The following MYPOP variants were observed in gnomAD, a reference collection of about 807,000 sequenced individuals.
MYPOP encodes Myb related transcription factor, partner of profilin.
Under a neutral mutation model 25.7 loss-of-function variants are expected in MYPOP, and 21 were observed. That is an observed-to-expected ratio of 0.82 (90% confidence interval 0.58 to 1.18). The LOEUF (loss-of-function observed/expected upper bound fraction) is 1.18. MYPOP is among the 50% of genes most tolerant of loss of function. MYPOP has a pLI of 0.00. For missense variants in MYPOP, 566 were observed against 588.3 expected (o/e 0.96, Z 0.39); for synonymous variants, 280 against 247.9 (o/e 1.13, Z -1.22).
chr19:45,897,412 T>C (rs1600569813), intron 2 of MYPOP, among the ~76,000 whole-genome samples: 3 of 151,946 alleles, frequency 2.0e-5, no homozygotes, highest in South Asian at 4.2e-4. Flanking sequence ...GGGCCTGGGG[T>C]GTGAGTGACA....
chr19:45,893,627 C>T (rs960341550), intron 2 of MYPOP, among the ~76,000 whole-genome samples: 2 of 149,764 alleles, frequency 1.3e-5, no homozygotes, highest in Non-Finnish European at 3.0e-5. Flanking sequence ...GAGTGGCTGC[C>T]GGGGGCTGGG....
chr19:45,893,492 C>G (rs139536547), intron 2 of MYPOP, among the ~76,000 whole-genome samples: 3 of 149,046 alleles, frequency 2.0e-5, no homozygotes, highest in Admixed American at 6.8e-5. Context: ...CGCTTGAACC[C>G]GGGAGGCAGA....
Position 45,901,363 on chromosome 19 carries a change from A to T in MYPOP, c.411T>A (p.Pro137=), listed in dbSNP as rs1401172735. 6.8e-7 allele frequency: 1 copy of T among 1,467,744 alleles called. No individual in the cohort carries two copies. Among genetic ancestry groups the T allele is most frequent in the Non-Finnish European group, 9.0e-7 (1 of 1,110,652 alleles). The allele number at this position is 1,467,744 out of a possible 1,614,324, so 90.9% of individuals were successfully genotyped here. ...PGAGAGAEEP[P]AAPSSQPPPP... ...GCGGCGGCTGTGAAGAGGGGGCCGC[A>T]GGGGGCTCCTCCGCCCCAGCACCTG... is the stretch of plus-strand genomic sequence containing the variant. Residue 137 remains proline (P), a synonymous_variant, in exon 2 of 3, where the codon CCT becomes CCA. Coordinates refer to ENST00000322217, the MANE Select transcript of MYPOP (RefSeq NM_001012643.4). The surrounding 1 kb of genome is among the most constrained non-coding windows in gnomAD (Gnocchi z 5.7).
chr19:45,895,120 A>C (rs1967184267), intron 2 of MYPOP, among the ~76,000 whole-genome samples: 1 of 152,308 alleles, frequency 6.6e-6, no homozygotes, highest in African/African-American at 2.4e-5. Context: ...AAAGTCCTTG[A>C]GGCCTCTAGG....
chr19:45,890,640 G>A lies in MYPOP; in HGVS notation c.1183C>T (p.Arg395Ter). The change falls in exon 3 of 3, where the codon CGA becomes TGA. Residue 395 changes from arginine (R) to a stop codon, truncating the protein, a stop_gained. Coordinates refer to ENST00000322217, the MANE Select transcript of MYPOP (RefSeq NM_001012643.4). LOFTEE classifies it high-confidence loss of function. Reference sequence around the variant, plus strand: ...AGTAGATTTCACGGAGATTTCCATCGGCCGCGCCTTTTCCGTGTAGGGAAA... The same window carrying A: ...AGTAGATTTCACGGAGATTTCCATCAGCCGCGCCTTTTCCGTGTAGGGAAA... ...KGFPTRKRRG[R>*]WKSP The A allele has an allele frequency of 3.1e-6, 5 of 1,612,116 alleles. No individual in the cohort carries two copies. Among genetic ancestry groups the A allele is most frequent in the African/African-American group, 1.3e-5 (1 of 74,728 alleles).
chr19:45,896,666 C>T (rs576406871), intron 2 of MYPOP, among the ~76,000 whole-genome samples: 43 of 150,524 alleles, frequency 2.9e-4, no homozygotes, highest in Non-Finnish European at 5.8e-4. Context: ...TCGCCCAGGC[C>T]GGACTGCGGA....
chr19:45,897,188 G>A (rs911913391), intron 2 of MYPOP, among the ~76,000 whole-genome samples: 2 of 151,314 alleles, frequency 1.3e-5, no homozygotes, highest in South Asian at 2.1e-4. Context: ...TCAGCCTCCC[G>A]AGGAGCTGGA....
intron 2 of MYPOP, among the ~76,000 whole-genome samples, chr19:45,893,705 A>T (rs1408461915): frequency 6.6e-6 from 1 of 151,974 alleles, no homozygotes; most frequent in Non-Finnish European, 1.5e-5. Flanking sequence ...GAGTGATGAA[A>T]ATGTTCTAAA....
In MYPOP at chr19:45,891,028, G is replaced by A; in HGVS notation, c.795C>T (p.Ala265=). ...ASDPSLDFLR[A]QQETANAIRE... ...GGATGGCGTTGGCAGTCTCCTGCTG[G>A]GCCCGCAGGAAGTCCAGGGAGGGGT... The change falls in exon 3 of 3, where the codon GCC becomes GCT. Residue 265 remains alanine (A), a synonymous_variant. Coordinates refer to ENST00000322217, the MANE Select transcript of MYPOP (RefSeq NM_001012643.4). 2 of 1,529,470 alleles carry A rather than the reference G, an allele frequency of 1.3e-6. No homozygotes were observed. The highest frequency in any genetic ancestry group is 1.8e-6 in the Non-Finnish European group (2 of 1,135,414). 94.7% of individuals were successfully genotyped at this position (1,529,470 alleles called of 1,614,324 possible). A position where few individuals can be genotyped will look rare whatever the true frequency, so the allele number is the denominator to read the frequency against.
intron 2 of MYPOP, among the ~76,000 whole-genome samples, chr19:45,893,049 G>C (rs1600565660): frequency 6.6e-6 from 1 of 151,160 alleles, no homozygotes; most frequent in African/African-American, 2.4e-5. Context: ...CGAGGCGGGT[G>C]GATCACCTGA....
At chr19:45,899,119 G>A (rs1007840275) in intron 2 of MYPOP, among the ~76,000 whole-genome samples, 20 of 152,160 alleles carry the variant, frequency 1.3e-4, no homozygotes, top group Non-Finnish European at 1.5e-4. Context: ...TCGGCTACTC[G>A]GGAGGATGAG....
rs575399373 is a variant in MYPOP, at chr19:45,891,967, T to TG, written c.500-645dup. 8.5e-4 allele frequency among the ~76,000 whole-genome samples: 129 copies of TG among 152,252 alleles called. 2 individuals carry two copies. The highest frequency in any genetic ancestry group is 3.0e-3 in the African/African-American group (123 of 41,540). On this transcript the variant is annotated intron_variant, in intron 2 of 2. Transcript: ENST00000322217. ...CAAAGTCTCACTTTGTAGCCTAGGC[T>TG]GGAGTGCAGTGGCGTGATCTCGGCT...
In MYPOP at chr19:45,891,190, G is replaced by T; in HGVS notation, c.633C>A (p.Val211=). 1 of 1,528,938 alleles carries T rather than the reference G, an allele frequency of 6.5e-7. No individual in the cohort carries two copies. The allele number at this position is 1,528,938 out of a possible 1,614,324, so 94.7% of individuals were successfully genotyped here. A position where few individuals can be genotyped will look rare whatever the true frequency, so the allele number is the denominator to read the frequency against. Residue 211 remains valine (V), a synonymous_variant, in exon 3 of 3, where the codon GTC becomes GTA. Coordinates refer to ENST00000322217, the MANE Select transcript of MYPOP (RefSeq NM_001012643.4). ...GAGACAAGGCCAGGCGAGGCAGCTGGACCGGCTGCAGGGCCGAAGGGGGTG... is the reference window on the plus strand; with the variant it reads ...GAGACAAGGCCAGGCGAGGCAGCTGTACCGGCTGCAGGGCCGAAGGGGGTG... ...ESPPPSALQP[V]QLPRLALSPP... is the part of the protein sequence containing the mutation.
At chr19:45,898,481 G>A (rs1049139245) in intron 2 of MYPOP, among the ~76,000 whole-genome samples, 1 of 151,632 alleles carries the variant, frequency 6.6e-6, no homozygotes, top group Admixed American at 6.6e-5. Context: ...GCGCCACCAC[G>A]CGTGGCTAAT....
intron 2 of MYPOP, among the ~76,000 whole-genome samples, chr19:45,896,014 G>A (rs187277257): frequency 1.5e-4 from 23 of 152,260 alleles, no homozygotes; most frequent in Non-Finnish European, 3.2e-4. Context: ...CATCCAGGCC[G>A]GGTGCGGTGG....
Position 45,901,906 on chromosome 19 carries a change from C to T in MYPOP, c.-52-81G>A, listed in dbSNP as rs938935102. The T allele has an allele frequency of 4.3e-6, 3 of 702,710 alleles. No individual in the cohort carries two copies. Among genetic ancestry groups the T allele is most frequent in the African/African-American group, 3.7e-5 (2 of 53,404 alleles). 43.5% of individuals were successfully genotyped at this position (702,710 alleles called of 1,614,324 possible). On this transcript the variant is annotated intron_variant, in intron 1 of 2. Coordinates refer to ENST00000322217, the MANE Select transcript of MYPOP (RefSeq NM_001012643.4). This position sits in a 1 kb window ranked among gnomAD's most constrained non-coding sequence, Gnocchi z 5.7. ...CTCTCCCAGACCGCCGGGCCGAGAG[C>T]TCCTTAGTCCCCGGGGGCAGGAGTG...
Position 45,890,554 on chromosome 19 carries a change from G to A in MYPOP, c.*69C>T, listed in dbSNP as rs932654689. ...CTAGGGTGCAGCTGGGATGGGCAGA[G>A]AGCATCGCCCCCCTCGACTGCGCCA... is the stretch of plus-strand genomic sequence containing the variant. On this transcript the variant is annotated 3_prime_UTR_variant, in exon 3 of 3. Coordinates refer to ENST00000322217, the MANE Select transcript of MYPOP (RefSeq NM_001012643.4). 17 of 1,576,660 alleles carry A rather than the reference G, an allele frequency of 1.1e-5. No individual in the cohort carries two copies. Among genetic ancestry groups the A allele is most frequent in the African/African-American group, 9.4e-5 (7 of 74,226 alleles).
At position 45,896,639 on chromosome 19, in the gene MYPOP, G is replaced by C. The variant is rs1178873626; in HGVS notation, c.499+4636C>G. Reference sequence around the variant, plus strand: ...CATTCTTTTTTTTTTTTTTTTTTGAGACGGAGTCTCGCTCTGTCGCCCAGG... The same window carrying C: ...CATTCTTTTTTTTTTTTTTTTTTGACACGGAGTCTCGCTCTGTCGCCCAGG... On this transcript the variant is annotated intron_variant, in intron 2 of 2. Coordinates refer to ENST00000322217, the MANE Select transcript of MYPOP (RefSeq NM_001012643.4). Among the ~76,000 whole-genome samples the C allele has an allele frequency of 4.4e-5, 6 of 137,304 alleles. No homozygotes were observed. In the East Asian group the frequency reaches 1.1e-3, roughly 26 times the overall value. The allele number at this position is 137,304 out of a possible 152,430, so 90.1% of individuals were successfully genotyped here.
intron 2 of MYPOP, among the ~76,000 whole-genome samples, chr19:45,898,234 C>T (rs1391233185): frequency 6.6e-6 from 1 of 151,922 alleles, no homozygotes; most frequent in East Asian, 1.9e-4. Flanking sequence ...CCTCAGTTTC[C>T]CTACTTGTAA....
Sources: gnomAD v4.1 joint callset for allele counts (sites outside exome capture counted in the v4.1 genomes callset) on GRCh38, gnomAD v4.1.1 for gene constraint, Gnocchi (gnomAD v3.1) non-coding constraint, MANE v1.5 for transcripts, NCBI Gene and HGNC (gene_info 2026-07-23, HGNC 2026-07-21) for gene names.